NTM: variants seen among roughly 807,000 people sequenced by gnomAD.
NTM encodes the protein IgLON family member 2.
Under a neutral mutation model 42.1 loss-of-function variants are expected in NTM, and 13 were observed. The ratio of observed to expected loss-of-function variants is 0.31; its 90% CI spans 0.20 to 0.49. NTM has a LOEUF of 0.49. Ranked by LOEUF, NTM falls within the 20% of genes least tolerant of loss-of-function variation. NTM has a pLI of 0.99. For synonymous variants in NTM, 187 were observed against 179.2 expected (o/e 1.04, Z -0.35); for missense variants, 373 against 452.8 (o/e 0.82, Z 1.60).
At position 131,576,000 on chromosome 11, in the gene NTM, C is replaced by T. The variant is rs142352080; in HGVS notation, c.82+205112C>T. Among the ~76,000 whole-genome samples, 1,185 of 152,288 alleles carry T rather than the reference C, an allele frequency of 7.8e-3. 9 individuals carry two copies. The highest frequency in any genetic ancestry group is 0.024 in the Middle Eastern group (7 of 294). On this transcript the variant is annotated intron_variant, in intron 1 of 8. Coordinates refer to ENST00000683400, the MANE Select transcript of NTM (RefSeq NM_001352005.2). The stretch of plus-strand genomic sequence containing the variant: ...GTCTGATGCTATTCAGGACTGTTAT[C>T]TTCCTTCGTGCTCAATAGGCAATAG...
intron 2 of NTM, among the ~76,000 whole-genome samples, chr11:132,009,351 A>G (rs1453681428): frequency 6.6e-6 from 1 of 152,164 alleles, no homozygotes; most frequent in African/African-American, 2.4e-5. Context: ...TGAGATTGGA[A>G]CAGCAAATTT....
At chr11:132,062,050 C>T (rs1407206447) in intron 2 of NTM, among the ~76,000 whole-genome samples, 1 of 152,134 alleles carries the variant, frequency 6.6e-6, no homozygotes, top group African/African-American at 2.4e-5. Context: ...GTAAATCAAA[C>T]TCCGCTGTGT....
intron 1 of NTM, among the ~76,000 whole-genome samples, chr11:131,550,562 C>T (rs1177706154): frequency 6.6e-6 from 1 of 152,168 alleles, no homozygotes; most frequent in Non-Finnish European, 1.5e-5. Flanking sequence ...GCCTTCTTCC[C>T]CTTCGCCTTC....
chr11:131,523,711 C>T (rs1486484901), intron 1 of NTM, among the ~76,000 whole-genome samples: 1 of 149,790 alleles, frequency 6.7e-6, no homozygotes, highest in African/African-American at 2.5e-5. Context: ...ATAGCTTGAA[C>T]CCAGGTGGCA....
At chr11:132,094,309 G>A (rs1450534281) in intron 2 of NTM, among the ~76,000 whole-genome samples, 1 of 152,156 alleles carries the variant, frequency 6.6e-6, no homozygotes, top group Non-Finnish European at 1.5e-5. Context: ...TTGGCAAGCT[G>A]GATTTCTGGT....
chr11:131,780,448 G>T (rs2087869674), intron 1 of NTM, among the ~76,000 whole-genome samples: 1 of 152,114 alleles, frequency 6.6e-6, no homozygotes, highest in Admixed American at 6.6e-5. Context: ...TGTGGAGTTT[G>T]AGATGCCTGT....
At chr11:132,084,384 A>T (rs1428227924) in intron 2 of NTM, among the ~76,000 whole-genome samples, 2 of 152,164 alleles carry the variant, frequency 1.3e-5, no homozygotes. Flanking sequence ...TGTGACATAT[A>T]CTAATATTAT....
At chr11:131,900,862 C>T (rs1358753268) in intron 1 of NTM, among the ~76,000 whole-genome samples, 6 of 152,142 alleles carry the variant, frequency 3.9e-5, no homozygotes, top group Non-Finnish European at 8.8e-5. Flanking sequence ...TTTCTCGTTC[C>T]TATTTTTTCT....
At chr11:132,234,226 T>C (rs986706139) in intron 4 of NTM, among the ~76,000 whole-genome samples, 1 of 152,216 alleles carries the variant, frequency 6.6e-6, no homozygotes, top group African/African-American at 2.4e-5. Flanking sequence ...TTTTGGATAG[T>C]GGCACTGGTT....
chr11:131,591,081 G>A (rs1411199647), intron 1 of NTM, among the ~76,000 whole-genome samples: 1 of 152,220 alleles, frequency 6.6e-6, no homozygotes, highest in Non-Finnish European at 1.5e-5. Context: ...TTCTGGGAGA[G>A]TCAGCAGCAC....
At chr11:131,532,443 T>C (rs1430098248) in intron 1 of NTM, among the ~76,000 whole-genome samples, 2 of 152,214 alleles carry the variant, frequency 1.3e-5, no homozygotes, top group East Asian at 1.9e-4. Context: ...TATGCATATA[T>C]CACATTGTGA....
At position 131,651,097 on chromosome 11, in the gene NTM, A is replaced by C. The variant is rs113031561; in HGVS notation, c.83-260467A>C. On this transcript the variant is annotated intron_variant, in intron 1 of 8. Coordinates refer to ENST00000683400, the MANE Select transcript of NTM (RefSeq NM_001352005.2). The stretch of plus-strand genomic sequence containing the variant: ...ACAAACCTTAGATCCTGACTTTTGC[A>C]ACTACCGACTGTTCTCAAAAGTATT... 3.3e-5 allele frequency among the ~76,000 whole-genome samples: 5 copies of C among 152,356 alleles called. 1 individual carries two copies. Among genetic ancestry groups the C allele is most frequent in the African/African-American group, 1.2e-4 (5 of 41,596 alleles).
chr11:132,274,774 G>A (rs1174191030), intron 4 of NTM, among the ~76,000 whole-genome samples: 1 of 152,112 alleles, frequency 6.6e-6, no homozygotes, highest in Non-Finnish European at 1.5e-5. Context: ...ATTCAATGGA[G>A]TATACTATAT....
intron 1 of NTM, among the ~76,000 whole-genome samples, chr11:131,797,434 G>A (rs1474408789): frequency 6.6e-6 from 1 of 152,184 alleles, no homozygotes; most frequent in Non-Finnish European, 1.5e-5. Context: ...AAGAGCATTT[G>A]AGTATGACTA....
intron 1 of NTM, among the ~76,000 whole-genome samples, chr11:131,596,185 C>T (rs944402714): frequency 1.3e-5 from 2 of 152,210 alleles, no homozygotes; most frequent in African/African-American, 4.8e-5. Flanking sequence ...TTCATTCCCC[C>T]TTGATGATAG....
chr11:131,657,114 A>G (rs925959235), intron 1 of NTM, among the ~76,000 whole-genome samples: 1 of 145,986 alleles, frequency 6.8e-6, no homozygotes, highest in Non-Finnish European at 1.5e-5. Context: ...AGCTGTTTCC[A>G]CTTGTGGTTT....
At chr11:131,912,413 G>C (rs895213512) in intron 2 of NTM, among the ~76,000 whole-genome samples, 2 of 150,626 alleles carry the variant, frequency 1.3e-5, no homozygotes, top group Non-Finnish European at 3.0e-5. Flanking sequence ...ACAGGCACTG[G>C]GGGAGGAGAA....
Position 131,499,422 on chromosome 11 carries a change from G to A in NTM, c.82+128534G>A, listed in dbSNP as rs1269990021. Among the ~76,000 whole-genome samples the A allele has an allele frequency of 2.6e-5, 4 of 152,166 alleles. No homozygotes were observed. In the South Asian group the frequency reaches 6.2e-4, roughly 24 times the overall value. The stretch of plus-strand genomic sequence containing the variant: ...CCGCCCCCCACTCCCCGTCATCTCC[G>A]CTGTCCCCAGCCCGGTCTGAGCCAC... On this transcript the variant is annotated intron_variant, in intron 1 of 8. Transcript: ENST00000683400.
chr11:131,606,016 G>A (rs2060922471), intron 1 of NTM: 1 of 368,902 alleles, frequency 2.7e-6, no homozygotes, highest in Non-Finnish European at 3.8e-6. Context: ...GAGGGACCAA[G>A]TTTGTCCAGT....
Sources: gnomAD v4.1 joint callset for allele counts (sites outside exome capture counted in the v4.1 genomes callset) on GRCh38, gnomAD v4.1.1 for gene constraint, MANE v1.5 for transcripts, NCBI Gene and HGNC (gene_info 2026-07-23, HGNC 2026-07-21) for gene names.